Variants in MAN1B1 observed in about 807,000 individuals in gnomAD.
The protein encoded by MAN1B1 is endoplasmic reticulum mannosyl-oligosaccharide 1,2-alpha-mannosidase.
A neutral mutation model predicts 75.5 loss-of-function variants in MAN1B1; 66 were observed. That is an observed-to-expected ratio of 0.87 (90% CI 0.72 to 1.07). MAN1B1 has a LOEUF of 1.07. Among genes scored for constraint, MAN1B1 ranks in the 50% least tolerant of loss-of-function variants. The pLI is 0.00. For missense variants in MAN1B1, 973 were observed against 912.5 expected (o/e 1.07, Z -0.85); for synonymous variants, 453 against 382.8 (o/e 1.18, Z -2.14).
intron 8 of MAN1B1, 21 bp downstream of exon 8, chr9:137,101,693 G>T (rs774498402): frequency 3.7e-5 from 60 of 1,606,112 alleles, no homozygotes; most frequent in Admixed American, 8.5e-5. Context: ...AGGCTTTCTG[G>T]CTGGATGCGC....
chr9:137,106,011 C>T, intron 8 of MAN1B1, 114 bp from the exon 9 acceptor site: 1 of 835,996 alleles, frequency 1.2e-6, no homozygotes, highest in Non-Finnish European at 2.0e-6. Context: ...GCTCTCTCTG[C>T]TGGGAGTCAG....
intron 8 of MAN1B1, chr9:137,104,088 C>G (rs564092944): frequency 2.2e-6 from 1 of 457,030 alleles, no homozygotes; most frequent in Non-Finnish European, 4.4e-6. Flanking sequence ...CTCCAGAGCC[C>G]TTTTCATCTT....
At chr9:137,100,436 T>G (rs955161505) in intron 6 of MAN1B1, among the ~76,000 whole-genome samples, 3 of 152,184 alleles carry the variant, frequency 2.0e-5, no homozygotes, top group African/African-American at 7.2e-5. Flanking sequence ...TGTTGACGAC[T>G]TCAAGATTTA....
chr9:137,094,769 A>G (rs1830612278), intron 3 of MAN1B1, among the ~76,000 whole-genome samples: 2 of 151,936 alleles, frequency 1.3e-5, no homozygotes, highest in African/African-American at 4.8e-5. Flanking sequence ...AATCCCAGCT[A>G]CTCAGGAGTC....
rs533470544 is a variant in MAN1B1, at chr9:137,087,359, C to T, written c.219+141C>T. 8.2e-4 allele frequency: 835 copies of T among 1,016,974 alleles called. 1 individual carries two copies. The highest frequency in any genetic ancestry group is 1.1e-3 in the Non-Finnish European group (781 of 690,808). 63.0% of individuals were successfully genotyped at this position (1,016,974 alleles called of 1,614,324 possible). A position where few individuals can be genotyped will look rare whatever the true frequency, so the allele number is the denominator to read the frequency against. ...TCCACCCCTTCCCCGCAAAAAGGGG[C>T]AAATGTGCGTTCCTGGTTGGGGCAG... is the stretch of plus-strand genomic sequence containing the variant. On this transcript the variant is annotated intron_variant, in intron 1 of 12. Coordinates refer to ENST00000371589, the MANE Select transcript of MAN1B1 (RefSeq NM_016219.5).
In MAN1B1 at chr9:137,101,154, G is replaced by A. The variant is rs1274260373; in HGVS notation, c.1065+1G>A. The A allele has an allele frequency of 1.2e-6, 2 of 1,613,800 alleles. No individual in the cohort carries two copies. The highest frequency in any genetic ancestry group is 1.7e-6 in the Non-Finnish European group (2 of 1,180,024). Reference sequence around the variant, plus strand: ...GGACAGCCTCTTCCTGAGGAAAGCTGTAAGTGTCTTGGGGTGTCCTGCAGG... The same window carrying A: ...GGACAGCCTCTTCCTGAGGAAAGCTATAAGTGTCTTGGGGTGTCCTGCAGG... On this transcript the variant is annotated splice_donor_variant, in intron 7 of 12. Coordinates refer to ENST00000371589, the MANE Select transcript of MAN1B1 (RefSeq NM_016219.5). LOFTEE classifies it high-confidence loss of function.
In MAN1B1 at chr9:137,099,833, A is replaced by C. The variant is rs376363238; in HGVS notation, c.868A>C (p.Thr290Pro). The change falls in exon 6 of 13, where the codon ACA (threonine) becomes CCA (proline). Residue 290 changes from threonine (T) to proline (P), a missense_variant. By Grantham distance (38) the Thr-to-Pro change is conservative. Transcript: ENST00000371589. ...SFSEWFGLGL[T>P]LIDALDTMWI... ...CAGTGAGTGGTTTGGCCTCGGTCTC[A>C]CACTGATCGACGCGCTGGACACCAT... The C allele has an allele frequency of 6.2e-7, 1 of 1,614,246 alleles. No homozygotes were observed. Among genetic ancestry groups the C allele is most frequent in the South Asian group, 1.1e-5 (1 of 91,086 alleles).
In MAN1B1 at chr9:137,096,321, G is replaced by C. The variant is rs982090191; in HGVS notation, c.550G>C (p.Glu184Gln). ...AGACCTGAAGGATGGGACCCAGGAG[G>C]AGGCCACAAAAAGGCAAGAAGCCCC... The part of the protein sequence containing the change: ...SQDLKDGTQE[E>Q]ATKRQEAPVD... The change falls in exon 4 of 13, where the codon GAG becomes CAG. Residue 184 changes from glutamate to glutamine, a missense_variant. Glu to Gln is a conservative substitution (Grantham distance 29, BLOSUM62 2). Coordinates refer to ENST00000371589, the MANE Select transcript of MAN1B1 (RefSeq NM_016219.5). 3.1e-6 allele frequency: 5 copies of C among 1,613,976 alleles called. No homozygotes were observed. Among genetic ancestry groups the C allele is most frequent in the African/African-American group, 1.3e-5 (1 of 74,930 alleles).
At chr9:137,105,871 T>A (rs145585283) in intron 8 of MAN1B1, 3 of 652,098 alleles carry the variant, frequency 4.6e-6, no homozygotes, top group Non-Finnish European at 5.7e-6. Context: ...ATCCTGAAGA[T>A]GGGTCAGCTC....
chr9:137,106,054 A>T (rs968239928), intron 8 of MAN1B1, 71 bp from the exon 9 acceptor site: 3 of 1,247,484 alleles, frequency 2.4e-6, no homozygotes, highest in Non-Finnish European at 3.5e-6. Flanking sequence ...CAGAGCTCAC[A>T]GAGCCCCTCT....
intron 8 of MAN1B1, chr9:137,105,444 C>G (rs1273559857): frequency 5.3e-6 from 1 of 188,474 alleles, no homozygotes; most frequent in Non-Finnish European, 1.1e-5. Flanking sequence ...CATGGGCACC[C>G]CCATGTCACC....
At chr9:137,107,470 G>T (rs749557873) in intron 11 of MAN1B1, 23 bp downstream of exon 11, 2 of 1,613,280 alleles carry the variant, frequency 1.2e-6, no homozygotes, top group Admixed American at 3.3e-5. Context: ...CTGGGTCAGG[G>T]TCCATCAGGA....
intron 3 of MAN1B1, among the ~76,000 whole-genome samples, chr9:137,092,882 C>T (rs113180624): frequency 0.018 from 2,762 of 152,260 alleles, 90 homozygotes; most frequent in African/African-American, 0.062. Context: ...TATGTGCTCC[C>T]ATCCCGGAAG....
rs146417316 is a variant in MAN1B1, at chr9:137,107,566, C to A, written c.1800C>A (p.Thr600=). ...ADRHNLLRPE[T]VESLFYLYRV... The stretch of plus-strand genomic sequence containing the variant: ...GGCACAACCTGCTGCGGCCAGAGAC[C>A]GTGGAGAGCCTGTTCTACCTGTACC... The change falls in exon 12 of 13, where the codon ACC becomes ACA. Residue 600 remains threonine, a synonymous_variant. Transcript: ENST00000371589. The A allele has an allele frequency of 3.1e-6, 5 of 1,612,710 alleles. No individual in the cohort carries two copies. Among genetic ancestry groups the A allele is most frequent in the Middle Eastern group, 3.3e-4 (2 of 6,062 alleles).
rs777805866 is a variant in MAN1B1, at chr9:137,088,109, T to C, written c.254T>C (p.Met85Thr). 1 of 1,614,218 alleles carries C rather than the reference T, an allele frequency of 6.2e-7. No homozygotes were observed. The highest frequency in any genetic ancestry group is 1.7e-5 in the Admixed American group (1 of 60,032). ...WKQLSRLQRN[M>T]ILFLLAFLLF... is the part of the protein sequence containing the mutation. The stretch of plus-strand genomic sequence containing the variant: ...CAACTGTCGAGATTGCAGCGGAATA[T>C]GATTCTCTTCCTCCTTGCCTTTCTG... Residue 85 changes from methionine (M) to threonine (T), a missense_variant, in exon 2 of 13, where the codon ATG becomes ACG. Transcript: ENST00000371589.
At chr9:137,098,067 T>C (rs186258218) in intron 5 of MAN1B1, 130 bp downstream of exon 5, 1 of 700,290 alleles carries the variant, frequency 1.4e-6, no homozygotes, top group South Asian at 1.6e-5. Context: ...AGCATCCCCC[T>C]GTTGTCTGAG....
intron 3 of MAN1B1, among the ~76,000 whole-genome samples, chr9:137,092,168 C>T (rs1564276206): frequency 1.3e-5 from 2 of 151,550 alleles, no homozygotes. Context: ...TACGCCCAGT[C>T]TGGGTAACAC....
At chr9:137,108,015 G>C (rs1358622206) in intron 12 of MAN1B1, 1 of 617,440 alleles carries the variant, frequency 1.6e-6, no homozygotes, top group East Asian at 2.7e-5. Context: ...ACCAGGCCCT[G>C]TTTTAGGTCA....
In MAN1B1 at chr9:137,096,363, GA is replaced by G; in HGVS notation, c.594del (p.Gly199GlufsTer14). On this transcript the variant is annotated frameshift_variant, in exon 4 of 13. Transcript: ENST00000371589. LOFTEE classifies it high-confidence loss of function. ...AGAAGCCCCTGTGGATCCCCGCCCG[GA>G]AGGAGATCCGCAGAGGACAGTCATC... Reference protein sequence around the residue: ...RQEAPVDPRPEGDPQRTVISW... With the variant: ...RQEAPVDPRPXGDPQRTVISW... 1 of 1,613,850 alleles carries G rather than the reference GA, an allele frequency of 6.2e-7. No individual in the cohort carries two copies. Among genetic ancestry groups the G allele is most frequent in the Non-Finnish European group, 8.5e-7 (1 of 1,179,996 alleles).
Sources: allele counts gnomAD v4.1 joint callset (sites outside exome capture counted in the v4.1 genomes callset), GRCh38; gene constraint gnomAD v4.1.1; transcripts MANE v1.5; gene names NCBI Gene and HGNC (gene_info 2026-07-23, HGNC 2026-07-21).